The following ZBTB8A variants were observed in gnomAD, a reference collection of about 807,000 sequenced individuals.
ZBTB8A encodes zinc finger and BTB domain containing 8A.
In ZBTB8A, 19 loss-of-function variants were observed where a neutral mutation model predicts 37.8. The ratio of observed to expected loss-of-function variants is 0.50; its 90% CI spans 0.35 to 0.74. The LOEUF is 0.74. Ranked by LOEUF, ZBTB8A falls within the 30% of genes least tolerant of loss-of-function variation. The pLI is 0.01. For missense variants in ZBTB8A, 394 were observed against 537.8 expected (o/e 0.73, Z 2.65); for synonymous variants, 181 against 185.2 (o/e 0.98, Z 0.19).
At position 32,567,811 on chromosome 1, in the gene ZBTB8A, A is replaced by C. The variant is rs1380968899; in HGVS notation, c.-2+14271A>C. On this transcript the variant is annotated intron_variant, in intron 2 of 4. Coordinates refer to ENST00000373510, the MANE Select transcript of ZBTB8A (RefSeq NM_001040441.3). ...TGTCTCAAAAAAAAAAAAAAAAAAA[A>C]AAAAAAAAAAAACAAAAACAAAACA... Among the ~76,000 whole-genome samples the C allele has an allele frequency of 1.1e-4, 5 of 44,190 alleles. 1 individual carries two copies. The highest frequency in any genetic ancestry group is 1.2e-3 in the East Asian group (2 of 1,636). The allele number at this position is 44,190 out of a possible 152,430, so 29.0% of individuals were successfully genotyped here. A position where few individuals can be genotyped will look rare whatever the true frequency, so the allele number is the denominator to read the frequency against.
intron 3 of ZBTB8A, 75 bp from the exon 4 acceptor site, chr1:32,594,979 G>T (rs914055634): frequency 1.4e-5 from 18 of 1,308,644 alleles, no homozygotes; most frequent in African/African-American, 4.5e-5. Flanking sequence ...TTTCCATTGG[G>T]CTTGGATTGG....
intron 2 of ZBTB8A, among the ~76,000 whole-genome samples, chr1:32,563,923 G>A (rs1000725281): frequency 6.6e-6 from 1 of 152,126 alleles, no homozygotes. Context: ...AGAGGATGGG[G>A]AGTACATCTT....
At chr1:32,574,698 T>C (rs1644347293) in intron 2 of ZBTB8A, among the ~76,000 whole-genome samples, 1 of 152,186 alleles carries the variant, frequency 6.6e-6, no homozygotes, top group Admixed American at 6.6e-5. Flanking sequence ...AAAAAGAATG[T>C]ATATTTTGCT....
At chr1:32,576,739 A>G (rs1442541348) in intron 2 of ZBTB8A, among the ~76,000 whole-genome samples, 1 of 149,594 alleles carries the variant, frequency 6.7e-6, no homozygotes, top group Non-Finnish European at 1.5e-5. Flanking sequence ...TAATTTTTGT[A>G]TTTTTGGTAG....
rs1644500544 is a variant in ZBTB8A at position 32,592,851 on chromosome 1, A to G, written c.-1-80A>G. 6 of 1,221,558 alleles carry G rather than the reference A, an allele frequency of 4.9e-6. No individual in the cohort carries two copies. In the East Asian group the frequency reaches 1.0e-4, roughly 21 times the overall value. 75.7% of individuals were successfully genotyped at this position (1,221,558 alleles called of 1,614,324 possible). A position where few individuals can be genotyped will look rare whatever the true frequency, so the allele number is the denominator to read the frequency against. On this transcript the variant is annotated intron_variant, in intron 2 of 4. Transcript: ENST00000373510. ...ACCACTGCACTGCAGCCTGGGCCAC[A>G]GAGCAAGATCCTGTCTCAAAACAAA...
chr1:32,558,438 A>AACAC (rs35047367), intron 2 of ZBTB8A, among the ~76,000 whole-genome samples: 4,701 of 145,726 alleles, frequency 0.032, 102 homozygotes, highest in African/African-American at 0.063. Flanking sequence ...CTAAGTATTA[A>AACAC]ACACACACAC....
intron 1 of ZBTB8A, among the ~76,000 whole-genome samples, chr1:32,550,968 A>T (rs1339510059): frequency 6.6e-6 from 1 of 151,946 alleles, no homozygotes; most frequent in Non-Finnish European, 1.5e-5. Flanking sequence ...AAAAAAAAAA[A>T]AAAAAAGCCA....
Position 32,593,398 on chromosome 1 carries a change from A to G in ZBTB8A, c.467A>G (p.Gln156Arg). ...ERSSFYSGGW[Q>R]EGSSSPRSHL... ...TCCTCTTTTTATAGTGGTGGCTGGC[A>G]AGAAGGAAGCAGTTCTCCACGTTCT... The change falls in exon 3 of 5, where the codon CAA (glutamine) becomes CGA (arginine). Residue 156 changes from glutamine (Q) to arginine (R), a missense_variant. By Grantham distance (43) the Gln-to-Arg change is conservative. Coordinates refer to ENST00000373510, the MANE Select transcript of ZBTB8A (RefSeq NM_001040441.3). The G allele has an allele frequency of 6.2e-7, 1 of 1,614,104 alleles. No individual in the cohort carries two copies. Among genetic ancestry groups the G allele is most frequent in the Non-Finnish European group, 8.5e-7 (1 of 1,180,032 alleles).
chr1:32,580,542 T>G (rs1644395517), intron 2 of ZBTB8A, among the ~76,000 whole-genome samples: 1 of 151,052 alleles, frequency 6.6e-6, no homozygotes, highest in East Asian at 1.9e-4. Flanking sequence ...CAGAGTAAGA[T>G]TCTGTCTGAA....
chr1:32,598,109 C>T (rs1570375493), intron 4 of ZBTB8A, among the ~76,000 whole-genome samples: 1 of 151,168 alleles, frequency 6.6e-6, no homozygotes, highest in East Asian at 1.9e-4. Context: ...AAATCATGTA[C>T]TTTTAATGTT....
At chr1:32,600,002 C>T in intron 4 of ZBTB8A, 85 bp from the exon 5 acceptor site, 1 of 1,096,964 alleles carries the variant, frequency 9.1e-7, no homozygotes, top group South Asian at 1.6e-5. Context: ...CTTTGAACAT[C>T]TTAAGTTTAT....
intron 2 of ZBTB8A, among the ~76,000 whole-genome samples, chr1:32,554,705 C>T (rs1570319196): frequency 6.6e-6 from 1 of 152,110 alleles, no homozygotes; most frequent in East Asian, 1.9e-4. Context: ...TCTCGAACTC[C>T]TGACCTCAGG....
chr1:32,559,629 T>C (rs1005833892), intron 2 of ZBTB8A, among the ~76,000 whole-genome samples: 5 of 151,662 alleles, frequency 3.3e-5, no homozygotes, highest in African/African-American at 9.7e-5. Context: ...CATGCCTGGG[T>C]AATTTTTGTA....
At chr1:32,550,656 C>A (rs1055263559) in intron 1 of ZBTB8A, among the ~76,000 whole-genome samples, 2 of 151,634 alleles carry the variant, frequency 1.3e-5, no homozygotes, top group African/African-American at 4.8e-5. Context: ...GAGATCAGTT[C>A]TCTTAAAAAG....
At chr1:32,581,383 CT>C (rs1188545383) in intron 2 of ZBTB8A, among the ~76,000 whole-genome samples, 1 of 140,640 alleles carries the variant, frequency 7.1e-6, no homozygotes, top group Non-Finnish European at 1.5e-5. Context: ...TAGAGTTTCC[CT>C]CTTGTTGCCC....
At chr1:32,592,663 C>A (rs1212603299) in intron 2 of ZBTB8A, among the ~76,000 whole-genome samples, 1 of 151,956 alleles carries the variant, frequency 6.6e-6, no homozygotes. Flanking sequence ...CCCGCCACCA[C>A]GCCCAGCTAA....
intron 1 of ZBTB8A, among the ~76,000 whole-genome samples, chr1:32,543,237 C>G (rs1475930193): frequency 6.6e-6 from 1 of 152,082 alleles, no homozygotes; most frequent in Admixed American, 6.6e-5. Flanking sequence ...GCACCTGCCA[C>G]CATGCCCGGC....
intron 2 of ZBTB8A, among the ~76,000 whole-genome samples, chr1:32,572,313 A>C (rs765238201): frequency 1.3e-5 from 2 of 151,902 alleles, no homozygotes; most frequent in East Asian, 3.8e-4. Flanking sequence ...TTTTTAAGTT[A>C]TATTTTAAAT....
intron 2 of ZBTB8A, among the ~76,000 whole-genome samples, chr1:32,591,382 AATAT>A (rs1225440058): frequency 6.7e-6 from 1 of 149,878 alleles, no homozygotes; most frequent in South Asian, 2.1e-4. Flanking sequence ...GGCTAATTAA[AATAT>A]ATATATATAT....
Sources: gnomAD v4.1 joint callset for allele counts (sites outside exome capture counted in the v4.1 genomes callset) on GRCh38, gnomAD v4.1.1 for gene constraint, MANE v1.5 for transcripts, NCBI Gene and HGNC (gene_info 2026-07-23, HGNC 2026-07-21) for gene names.